Variants in ACTN1 observed in about 807,000 individuals in gnomAD.
ACTN1 encodes alpha-actinin-1.
In ACTN1, 30 loss-of-function variants were observed where a neutral mutation model predicts 119.6. The observed-to-expected ratio is 0.25, with a 90% CI of 0.19 to 0.34. The LOEUF is 0.34. ACTN1 is among the 10% of genes least tolerant of loss of function. The pLI is 1.00. For missense variants in ACTN1, 764 were observed against 1,223.4 expected (o/e 0.62, Z 5.60); for synonymous variants, 429 against 472.6 (o/e 0.91, Z 1.20).
intron 1 of ACTN1, among the ~76,000 whole-genome samples, chr14:68,939,114 C>A (rs1234314355): frequency 6.6e-6 from 1 of 152,212 alleles, no homozygotes; most frequent in East Asian, 1.9e-4. Context: ...CATCCAAGGC[C>A]CCCCAGAAGG....
At chr14:68,905,654 G>A (rs1340600299) in intron 6 of ACTN1, among the ~76,000 whole-genome samples, 1 of 152,164 alleles carries the variant, frequency 6.6e-6, no homozygotes, top group East Asian at 1.9e-4. Context: ...GCTGCAACAT[G>A]GATGAACTCT....
At chr14:68,933,157 T>C (rs1357575699) in intron 1 of ACTN1, among the ~76,000 whole-genome samples, 1 of 152,054 alleles carries the variant, frequency 6.6e-6, no homozygotes, top group African/African-American at 2.4e-5. Context: ...TTATTTGCGA[T>C]GTATCTCGCT....
intron 1 of ACTN1, among the ~76,000 whole-genome samples, chr14:68,935,384 T>C (rs1199877660): frequency 1.5e-5 from 2 of 137,346 alleles, no homozygotes; most frequent in African/African-American, 2.8e-5. Context: ...GAGCTCTCTG[T>C]TCATTTTTTT....
At chr14:68,888,230 A>AG (rs1309871011) in intron 11 of ACTN1, 8 of 391,394 alleles carry the variant, frequency 2.0e-5, no homozygotes, top group Non-Finnish European at 3.8e-5. Context: ...TTCCCAGGTC[A>AG]GAGTGTAGTA....
intron 1 of ACTN1, among the ~76,000 whole-genome samples, chr14:68,952,716 T>C (rs1234753711): frequency 6.6e-6 from 1 of 151,814 alleles, no homozygotes; most frequent in African/African-American, 2.4e-5. Flanking sequence ...GCCCTAAAAT[T>C]AAACGTTCAG....
intron 3 of ACTN1, among the ~76,000 whole-genome samples, chr14:68,914,147 G>C (rs1315895005): frequency 6.6e-6 from 1 of 151,764 alleles, no homozygotes; most frequent in African/African-American, 2.4e-5. Flanking sequence ...CCAAGGCAGA[G>C]GCTGCAGTGA....
intron 1 of ACTN1, among the ~76,000 whole-genome samples, chr14:68,960,076 C>A (rs1158139869): frequency 6.6e-6 from 1 of 152,024 alleles, no homozygotes; most frequent in Non-Finnish European, 1.5e-5. Flanking sequence ...GGAAGTGGAT[C>A]ATCATGAAAG....
Position 68,950,462 on chromosome 14 carries a change from G to GTGTGTGTGTGTGTGTATATATA in ACTN1, c.106-24791_106-24790insTATATATACACACACACACACA. 9.4e-4 allele frequency among the ~76,000 whole-genome samples: 119 copies of GTGTGTGTGTGTGTGTATATATA among 125,932 alleles called. 3 individuals are homozygous for GTGTGTGTGTGTGTGTATATATA. Among genetic ancestry groups the GTGTGTGTGTGTGTGTATATATA allele is most frequent in the South Asian group, 3.0e-3 (14 of 4,620 alleles). 82.6% of individuals were successfully genotyped at this position (125,932 alleles called of 152,430 possible). The stretch of plus-strand genomic sequence containing the variant: ...TTTACCATAATATATATGCGTGTGT[G>GTGTGTGTGTGTGTGTATATATA]TATATATATATATATAAATCAAACA... On this transcript the variant is annotated intron_variant, in intron 1 of 21. Transcript: ENST00000394419.
chr14:68,902,374 C>G, intron 8 of ACTN1, 103 bp downstream of exon 8: 2 of 1,009,106 alleles, frequency 2.0e-6, no homozygotes, highest in South Asian at 2.6e-5. Flanking sequence ...ACCAGACCAT[C>G]CAGATACCTG....
chr14:68,880,076 G>A lies in ACTN1; in HGVS notation c.2166C>T (p.Thr722=), dbSNP rs139852069. Residue 722 remains threonine (T), a synonymous_variant, in exon 18 of 22, where the codon ACC becomes ACT. Transcript: ENST00000394419. The surrounding 1 kb of genome is among the most constrained non-coding windows in gnomAD (Gnocchi z 4.6). ...HIRVGWEQLL[T]TIARTINEVE... is the part of the protein sequence containing the mutation. Reference sequence around the variant, plus strand: ...CCTCATTGATGGTCCTGGCGATGGTGGTGAGCAGCTGCTCCCAGCCCACAC... The same window carrying A: ...CCTCATTGATGGTCCTGGCGATGGTAGTGAGCAGCTGCTCCCAGCCCACAC... 368 of 1,614,154 alleles carry A rather than the reference G, an allele frequency of 2.3e-4. No homozygotes were observed. Among genetic ancestry groups the A allele is most frequent in the Non-Finnish European group, 3.0e-4 (356 of 1,179,986 alleles).
At chr14:68,946,063 C>T (rs2035934573) in intron 1 of ACTN1, among the ~76,000 whole-genome samples, 1 of 152,180 alleles carries the variant, frequency 6.6e-6, no homozygotes, top group South Asian at 2.1e-4. Context: ...CAGTCACACA[C>T]TTTCAACCAC....
intron 3 of ACTN1, among the ~76,000 whole-genome samples, chr14:68,919,314 C>T (rs920075212): frequency 2.0e-5 from 3 of 152,136 alleles, no homozygotes; most frequent in Non-Finnish European, 4.4e-5. Flanking sequence ...TGCCACTGAC[C>T]CCTGAACCAC....
At chr14:68,948,095 G>T (rs935054264) in intron 1 of ACTN1, among the ~76,000 whole-genome samples, 8 of 152,198 alleles carry the variant, frequency 5.3e-5, no homozygotes, top group Non-Finnish European at 7.3e-5. Flanking sequence ...CTCTCCCAGG[G>T]GAGTAGGGCT....
At chr14:68,956,914 CA>C (rs2036369429) in intron 1 of ACTN1, among the ~76,000 whole-genome samples, 2 of 151,982 alleles carry the variant, frequency 1.3e-5, no homozygotes, top group African/African-American at 4.8e-5. Flanking sequence ...CCAGACAGAA[CA>C]AATCAATCCC....
chr14:68,960,397 GTTAA>G (rs1271422350), intron 1 of ACTN1, among the ~76,000 whole-genome samples: 2 of 152,116 alleles, frequency 1.3e-5, no homozygotes, highest in Middle Eastern at 3.2e-3. Flanking sequence ...TGATGGATGT[GTTAA>G]TTAACTTGAT....
chr14:68,918,040 G>A (rs908646909), intron 3 of ACTN1, among the ~76,000 whole-genome samples: 4 of 152,246 alleles, frequency 2.6e-5, no homozygotes, highest in Non-Finnish European at 4.4e-5. Flanking sequence ...TTGCACTCTA[G>A]TCTGGGTAAC....
intron 1 of ACTN1, among the ~76,000 whole-genome samples, chr14:68,975,537 C>G (rs1201718607): frequency 6.6e-6 from 1 of 152,144 alleles, no homozygotes; most frequent in Non-Finnish European, 1.5e-5. Flanking sequence ...GATGCTCTCT[C>G]CAGCTTGACC....
intron 3 of ACTN1, among the ~76,000 whole-genome samples, chr14:68,915,509 T>TTTCCCCC (rs2034243923): frequency 6.6e-6 from 1 of 152,352 alleles, no homozygotes; most frequent in East Asian, 1.9e-4. Context: ...TAAGAATACT[T>TTTCCCCC]CCTGTTTTGC....
intron 8 of ACTN1, among the ~76,000 whole-genome samples, chr14:68,901,249 G>GTTTTTTTTT (rs564351239): frequency 9.7e-6 from 1 of 103,498 alleles, no homozygotes; most frequent in African/African-American, 3.7e-5. Flanking sequence ...TTTTTGTTTT[G>GTTTTTTTTT]TTTTTTTTTT....
Sources: allele counts gnomAD v4.1 joint callset (sites outside exome capture counted in the v4.1 genomes callset), GRCh38; gene constraint gnomAD v4.1.1; non-coding constraint Gnocchi (gnomAD v3.1); transcripts MANE v1.5; gene names NCBI Gene and HGNC (gene_info 2026-07-23, HGNC 2026-07-21).